Variants in KIFC3 observed in about 807,000 individuals in gnomAD.
KIFC3 encodes kinesin family member C3.
KIFC3 carries 60 observed loss-of-function variants against 101.8 expected under a neutral mutation model. The observed-to-expected ratio is 0.59, with a 90% CI of 0.48 to 0.73. The LOEUF is 0.73. Among genes scored for constraint, KIFC3 ranks in the 30% least tolerant of loss-of-function variants. KIFC3 has a pLI of 0.00. For synonymous variants in KIFC3, 476 were observed against 482.7 expected (o/e 0.99, Z 0.18); for missense variants, 966 against 1,137.1 (o/e 0.85, Z 2.16).
chr16:57,795,005 G>A lies in KIFC3; in HGVS notation c.309C>T (p.Thr103=), dbSNP rs1555622001. The A allele has an allele frequency of 6.3e-7, 1 of 1,581,602 alleles. No individual in the cohort carries two copies. The change falls in exon 3 of 20, where the codon ACC becomes ACT. Residue 103 remains threonine, a synonymous_variant. Coordinates refer to ENST00000445690, the MANE Select transcript of KIFC3 (RefSeq NM_001130100.2). ...GPGSPHGLYL[T]LQVEHLKEKL... is the part of the protein sequence containing the mutation. ...GGAAGGCCCCAGTGCTTACCTGCAG[G>A]GTCAGGTAGAGCCCGTGGGGGCTTC...
intron 1 of KIFC3, among the ~76,000 whole-genome samples, chr16:57,812,927 C>A (rs111920645): frequency 6.6e-6 from 1 of 152,222 alleles, no homozygotes; most frequent in Non-Finnish European, 1.5e-5. Flanking sequence ...CTAGACCTAA[C>A]GCTGAGCCAG....
At chr16:57,832,774 G>A (rs569458233) in intron 1 of KIFC3, among the ~76,000 whole-genome samples, 41 of 152,192 alleles carry the variant, frequency 2.7e-4, no homozygotes, top group African/African-American at 8.2e-4. Flanking sequence ...GGAGGGCTCC[G>A]GGTAAAGTCC....
intron 1 of KIFC3, among the ~76,000 whole-genome samples, chr16:57,847,241 A>G (rs2055941439): frequency 1.0e-5 from 1 of 100,264 alleles, no homozygotes; most frequent in African/African-American, 4.8e-5. Flanking sequence ...GAAGGAAGGA[A>G]GGAAGGAAGG....
chr16:57,775,228 G>A, intron 3 of KIFC3: 4 of 1,317,528 alleles, frequency 3.0e-6, no homozygotes, highest in South Asian at 4.4e-5. Flanking sequence ...GAGCATGGGG[G>A]ATGGTGAGGG....
At chr16:57,776,208 G>T (rs2149031647) in intron 3 of KIFC3, 1 of 985,524 alleles carries the variant, frequency 1.0e-6, no homozygotes. Flanking sequence ...CTGCTGAGCT[G>T]GGAAGGCCAG....
At chr16:57,773,585 T>C (rs1388970501) in intron 3 of KIFC3, among the ~76,000 whole-genome samples, 1 of 151,690 alleles carries the variant, frequency 6.6e-6, no homozygotes, top group Non-Finnish European at 1.5e-5. Context: ...AGCCCAGGAG[T>C]TTGAAGCTGC....
intron 1 of KIFC3, among the ~76,000 whole-genome samples, chr16:57,815,955 C>T (rs543266254): frequency 6.6e-6 from 1 of 152,330 alleles, no homozygotes; most frequent in Admixed American, 6.5e-5. Context: ...GGCTGGGTCA[C>T]CCCTGCTACA....
chr16:57,816,821 C>G, intron 1 of KIFC3: 1 of 447,082 alleles, frequency 2.2e-6, no homozygotes, highest in Non-Finnish European at 4.5e-6. Flanking sequence ...CCCATCCCAC[C>G]CCCAGTAAGA....
intron 3 of KIFC3, chr16:57,782,257 G>A (rs2052823245): frequency 1.7e-6 from 1 of 589,132 alleles, no homozygotes; most frequent in Non-Finnish European, 2.1e-6. Context: ...ACTGGGAAGT[G>A]AAGGCTCAGA....
chr16:57,854,959 C>A (rs2056133426), intron 1 of KIFC3, among the ~76,000 whole-genome samples: 1 of 152,084 alleles, frequency 6.6e-6, no homozygotes, highest in African/African-American at 2.4e-5. Flanking sequence ...GTGGCTGACA[C>A]CCGTAATCCC....
intron 2 of KIFC3, chr16:57,797,865 C>T (rs1438365033): frequency 1.9e-5 from 28 of 1,456,844 alleles, no homozygotes; most frequent in Non-Finnish European, 2.5e-5. Context: ...TCCAGGTCTC[C>T]TCTTTTCCAG....
chr16:57,804,575 A>G (rs547527680), upstream of KIFC3, among the ~76,000 whole-genome samples: 3 of 152,338 alleles, frequency 2.0e-5, no homozygotes, highest in African/African-American at 7.2e-5. Context: ...TTTGAAACGT[A>G]AAAACTACTT....
intron 3 of KIFC3, among the ~76,000 whole-genome samples, chr16:57,783,472 C>CTTTTTTTTTTT (rs146386887): frequency 3.0e-4 from 25 of 82,610 alleles, no homozygotes; most frequent in African/African-American, 8.1e-4. Context: ...ATTTTCTTTT[C>CTTTTTTTTTTT]TTTTTTTTTT....
upstream of KIFC3, among the ~76,000 whole-genome samples, chr16:57,806,616 G>A (rs559785970): frequency 1.3e-5 from 2 of 152,294 alleles, no homozygotes; most frequent in South Asian, 2.1e-4. Context: ...CAGAAGGGAA[G>A]AACAGGTGCG....
chr16:57,782,194 C>G (rs1386700747), intron 3 of KIFC3: 3 of 959,280 alleles, frequency 3.1e-6, no homozygotes, highest in Non-Finnish European at 3.7e-6. Context: ...TCCATTCTTA[C>G]AACAGATCCA....
rs782622574 is a variant in KIFC3, at chr16:57,794,979, T to C, written c.315+20A>G. 2.2e-5 allele frequency: 33 copies of C among 1,533,582 alleles called. No homozygotes were observed. The highest frequency in any genetic ancestry group is 2.8e-5 in the Non-Finnish European group (32 of 1,150,630). 95.0% of individuals were successfully genotyped at this position (1,533,582 alleles called of 1,614,324 possible). On this transcript the variant is annotated intron_variant, in intron 3 of 19. Coordinates refer to ENST00000445690, the MANE Select transcript of KIFC3 (RefSeq NM_001130100.2). Reference sequence around the variant, plus strand: ...TCAGAGAGCCAAGGCACATGCAGCCTGGAAGGCCCCAGTGCTTACCTGCAG... The same window carrying C: ...TCAGAGAGCCAAGGCACATGCAGCCCGGAAGGCCCCAGTGCTTACCTGCAG...
intron 3 of KIFC3, among the ~76,000 whole-genome samples, chr16:57,793,276 ACT>A (rs1215098380): frequency 7.1e-6 from 1 of 141,284 alleles, no homozygotes; most frequent in Non-Finnish European, 1.5e-5. Context: ...ACAGAGTGAG[ACT>A]CTGTCTCAAA....
chr16:57,825,593 CT>C (rs1299391795), intron 1 of KIFC3, among the ~76,000 whole-genome samples: 8 of 152,322 alleles, frequency 5.3e-5, no homozygotes, highest in Non-Finnish European at 1.2e-4. Flanking sequence ...AGCCTCAGCT[CT>C]GCTGTTCAAA....
intron 3 of KIFC3, among the ~76,000 whole-genome samples, chr16:57,793,882 CAAAT>C (rs1197303674): frequency 1.3e-5 from 2 of 152,170 alleles, no homozygotes; most frequent in Admixed American, 1.3e-4. Context: ...GAAAGATAAA[CAAAT>C]AAACACCAAA....
Sources: gnomAD v4.1 joint callset for allele counts (sites outside exome capture counted in the v4.1 genomes callset) on GRCh38, gnomAD v4.1.1 for gene constraint, MANE v1.5 for transcripts, NCBI Gene and HGNC (gene_info 2026-07-23, HGNC 2026-07-21) for gene names.